The following PLCB4 variants were observed in gnomAD, a reference collection of about 807,000 sequenced individuals.
PLCB4 encodes 1-phosphatidylinositol 4,5-bisphosphate phosphodiesterase beta-4.
In PLCB4, 77 loss-of-function variants were observed where a neutral mutation model predicts 178.8. The ratio of observed to expected loss-of-function variants is 0.43; its 90% CI spans 0.36 to 0.52. The LOEUF is 0.52. Among genes scored for constraint, PLCB4 ranks in the 20% least tolerant of loss-of-function variants. PLCB4 has a pLI of 0.00. For synonymous variants in PLCB4, 496 were observed against 490.8 expected (o/e 1.01, Z -0.14); for missense variants, 1,024 against 1,453.4 (o/e 0.70, Z 4.80).
intron 3 of PLCB4, among the ~76,000 whole-genome samples, chr20:9,244,853 A>AATG (rs2094108303): frequency 6.6e-6 from 1 of 152,186 alleles, no homozygotes; most frequent in Non-Finnish European, 1.5e-5. Flanking sequence ...TATAATGCCT[A>AATG]CATCATGGCT....
chr20:9,283,882 A>G (rs988569248), intron 3 of PLCB4, among the ~76,000 whole-genome samples: 9 of 151,832 alleles, frequency 5.9e-5, no homozygotes, highest in African/African-American at 1.7e-4. Context: ...ATTGTTTTCT[A>G]TCCCTGAGTC....
Position 9,152,867 on chromosome 20 carries a change from C to T in PLCB4, c.-79+56525C>T, listed in dbSNP as rs994876793. ...AAAGCATCTGGGAGGGAGGCTGTAC[C>T]CTGCAAAGCCGTAGGGGTGGAGCTG... On this transcript the variant is annotated intron_variant, in intron 2 of 39. Coordinates refer to ENST00000378473, the MANE Select transcript of PLCB4 (RefSeq NM_001377142.1). Among the ~76,000 whole-genome samples the T allele has an allele frequency of 1.3e-5, 2 of 152,088 alleles. 1 individual carries two copies. The highest frequency in any genetic ancestry group is 1.3e-4 in the Admixed American group (2 of 15,270).
chr20:9,096,744 T>A (rs2090925740), intron 2 of PLCB4, among the ~76,000 whole-genome samples: 1 of 152,160 alleles, frequency 6.6e-6, no homozygotes, highest in South Asian at 2.1e-4. Flanking sequence ...AAATGTGATA[T>A]CTTTCATTTT....
chr20:9,284,805 AC>A (rs1359334831), intron 3 of PLCB4, among the ~76,000 whole-genome samples: 3 of 152,036 alleles, frequency 2.0e-5, no homozygotes, highest in African/African-American at 7.2e-5. Context: ...GTTTAAAAAA[AC>A]ATGTCCCATA....
At chr20:9,377,744 T>G (rs2036796758) in intron 12 of PLCB4, among the ~76,000 whole-genome samples, 1 of 152,234 alleles carries the variant, frequency 6.6e-6, no homozygotes, top group Non-Finnish European at 1.5e-5. Context: ...TCATACCCTC[T>G]GACTAAATTT....
At chr20:9,103,699 G>T (rs2146646599) in intron 2 of PLCB4, among the ~76,000 whole-genome samples, 1 of 152,214 alleles carries the variant, frequency 6.6e-6, no homozygotes, top group East Asian at 1.9e-4. Context: ...GTTGTCTTTA[G>T]AGTATTTCCA....
chr20:9,174,452 C>CTTTTTTTT (rs71184133), intron 2 of PLCB4, among the ~76,000 whole-genome samples: 1 of 141,416 alleles, frequency 7.1e-6, no homozygotes, highest in African/African-American at 2.6e-5. Flanking sequence ...GCCTATTCTT[C>CTTTTTTTT]TTTTTTTTTT....
intron 2 of PLCB4, among the ~76,000 whole-genome samples, chr20:9,131,969 G>A (rs1281247674): frequency 2.0e-5 from 3 of 152,104 alleles, no homozygotes; most frequent in African/African-American, 7.2e-5. Context: ...AGGCCGTCTC[G>A]CATGTTCCAG....
chr20:9,355,452 ACCCCACAACAGT>A (rs983015462), intron 7 of PLCB4, among the ~76,000 whole-genome samples: 1 of 151,144 alleles, frequency 6.6e-6, no homozygotes, highest in African/African-American at 2.4e-5. Context: ...CCATCCCCTG[ACCCCACAACAGT>A]CCCCAGAGTG....
intron 25 of PLCB4, among the ~76,000 whole-genome samples, chr20:9,414,728 G>A (rs2040123104): frequency 6.6e-6 from 1 of 152,208 alleles, no homozygotes; most frequent in Admixed American, 6.5e-5. Context: ...TACCAGGAAA[G>A]TGAGCAGTGC....
At chr20:9,410,890 C>T in intron 24 of PLCB4, 147 bp from the exon 25 acceptor site, 1 of 614,352 alleles carries the variant, frequency 1.6e-6, no homozygotes, top group Non-Finnish European at 2.9e-6. Flanking sequence ...AGAGAGTATG[C>T]CTTAAATAGA....
chr20:9,431,553 C>T lies in PLCB4; in HGVS notation c.2525-4007C>T, dbSNP rs7264877. ...TGATCTCAGCTTACTGCAACCTCCACTTGCCAGGTTCAAGCAATTCTCCTG... is the reference window on the plus strand; with the variant it reads ...TGATCTCAGCTTACTGCAACCTCCATTTGCCAGGTTCAAGCAATTCTCCTG... On this transcript the variant is annotated intron_variant, in intron 28 of 39. Transcript: ENST00000378473. Among the ~76,000 whole-genome samples the T allele has an allele frequency of 6.5e-3, 991 of 152,194 alleles. 13 individuals are homozygous for T. The highest frequency in any genetic ancestry group is 0.023 in the African/African-American group (951 of 41,526).
In PLCB4 at chr20:9,416,943, G is replaced by A. The variant is rs534246890; in HGVS notation, c.2052-2864G>A. On this transcript the variant is annotated intron_variant, in intron 25 of 39. Coordinates refer to ENST00000378473, the MANE Select transcript of PLCB4 (RefSeq NM_001377142.1). ...GGTGACTTTTTCAAAACTAAGAAAAGTGACATTAAACTTTAAAGAAAAAAT... is the reference window on the plus strand; with the variant it reads ...GGTGACTTTTTCAAAACTAAGAAAAATGACATTAAACTTTAAAGAAAAAAT... 1.9e-4 allele frequency among the ~76,000 whole-genome samples: 29 copies of A among 152,182 alleles called. 1 individual carries two copies. Among genetic ancestry groups the A allele is most frequent in the Admixed American group, 1.8e-3 (27 of 15,276 alleles).
intron 2 of PLCB4, among the ~76,000 whole-genome samples, chr20:9,187,394 ACTGT>A (rs1250799561): frequency 6.6e-6 from 1 of 152,038 alleles, no homozygotes; most frequent in African/African-American, 2.4e-5. Flanking sequence ...CCCTAATGAC[ACTGT>A]CTGTGTACCT....
chr20:9,246,154 A>G (rs1283046644), intron 3 of PLCB4, among the ~76,000 whole-genome samples: 1 of 152,198 alleles, frequency 6.6e-6, no homozygotes, highest in African/African-American at 2.4e-5. Context: ...ATTTTGAATA[A>G]TTGTATAATA....
chr20:9,152,061 G>A (rs1162250657), intron 2 of PLCB4, among the ~76,000 whole-genome samples: 1 of 152,106 alleles, frequency 6.6e-6, no homozygotes, highest in Non-Finnish European at 1.5e-5. Context: ...ATAATATACG[G>A]TATCTGGTGG....
In PLCB4 at chr20:9,382,659, G is replaced by A. The variant is rs569569125; in HGVS notation, c.854-1542G>A. Among the ~76,000 whole-genome samples the A allele has an allele frequency of 2.6e-5, 4 of 152,256 alleles. No homozygotes were observed. In the South Asian group the frequency reaches 6.2e-4, roughly 24 times the overall value. On this transcript the variant is annotated intron_variant, in intron 13 of 39. Coordinates refer to ENST00000378473, the MANE Select transcript of PLCB4 (RefSeq NM_001377142.1). ...CGTGGCTTGCTCCTCACACATGTAC[G>A]TGACCTCAGAAGGGCTTTCACTGGC... is the stretch of plus-strand genomic sequence containing the variant.
At chr20:9,226,458 G>C (rs538323452) in intron 3 of PLCB4, among the ~76,000 whole-genome samples, 1 of 152,288 alleles carries the variant, frequency 6.6e-6, no homozygotes, top group South Asian at 2.1e-4. Context: ...TTGTCACCTG[G>C]CTGGATACAT....
chr20:9,421,242 C>T, intron 26 of PLCB4, 55 bp from the exon 27 acceptor site: 1 of 1,351,130 alleles, frequency 7.4e-7, no homozygotes. Context: ...TTATTTTTTG[C>T]TACTGATGCT....
Sources: allele counts gnomAD v4.1 joint callset (sites outside exome capture counted in the v4.1 genomes callset), GRCh38; gene constraint gnomAD v4.1.1; transcripts MANE v1.5; gene names NCBI Gene and HGNC (gene_info 2026-07-23, HGNC 2026-07-21).